Variants in GRID2 observed in about 807,000 individuals in gnomAD.
GRID2 encodes the protein glutamate receptor ionotropic, delta-2.
In GRID2, 33 loss-of-function variants were observed where a neutral mutation model predicts 114.8. That is an observed-to-expected ratio of 0.29 (90% CI 0.22 to 0.38). The LOEUF is 0.38. Ranked by LOEUF, GRID2 falls within the 10% of genes least tolerant of loss-of-function variation. GRID2 has a pLI of 1.00. For synonymous variants in GRID2, 505 were observed against 449.9 expected, an observed-to-expected ratio of 1.12 and a Z score of -1.55; for missense variants, 1,184 against 1,257.7, an observed-to-expected ratio of 0.94 and a Z score of 0.89.
intron 8 of GRID2, among the ~76,000 whole-genome samples, chr4:93,319,168 G>C (rs1231770548): frequency 6.6e-6 from 1 of 151,994 alleles, no homozygotes; most frequent in Non-Finnish European, 1.5e-5. Flanking sequence ...TTCAGGAAGG[G>C]GAAAATGAAT....
chr4:93,235,200 G>A (rs1047214749), intron 7 of GRID2, among the ~76,000 whole-genome samples: 2 of 151,770 alleles, frequency 1.3e-5, no homozygotes, highest in African/African-American at 4.8e-5. Context: ...ATGTCCACTG[G>A]TATTTCTATA....
intron 2 of GRID2, among the ~76,000 whole-genome samples, chr4:93,048,684 G>A (rs910337876): frequency 1.3e-5 from 2 of 152,002 alleles, no homozygotes; most frequent in Admixed American, 6.6e-5. Context: ...GGATAAAGGA[G>A]ATACAAATTA....
At chr4:93,490,288 C>A (rs1229507664) in intron 11 of GRID2, among the ~76,000 whole-genome samples, 2 of 151,730 alleles carry the variant, frequency 1.3e-5, no homozygotes, top group Non-Finnish European at 1.5e-5. Context: ...TAAATATAGG[C>A]ATAGCAATAT....
intron 13 of GRID2, among the ~76,000 whole-genome samples, chr4:93,596,539 C>A (rs1332303624): frequency 6.6e-6 from 1 of 151,806 alleles, no homozygotes; most frequent in East Asian, 1.9e-4. Context: ...GATCGCGTCA[C>A]TGCACTCCAG....
chr4:92,971,965 T>A (rs555088224), intron 2 of GRID2, among the ~76,000 whole-genome samples: 5 of 152,294 alleles, frequency 3.3e-5, no homozygotes, highest in African/African-American at 1.2e-4. Flanking sequence ...TGACTCCACA[T>A]CTTGGCTATT....
Position 93,711,709 on chromosome 4 carries a change from T to C in GRID2, c.2361-57501T>C, listed in dbSNP as rs939827420. On this transcript the variant is annotated intron_variant, in intron 14 of 15. Transcript: ENST00000282020. Reference sequence around the variant, plus strand: ...TTCCAGTGCAAAGTCCCACAATCAGTGCTGTTTCCATCCTGCAAGCACACA... The same window carrying C: ...TTCCAGTGCAAAGTCCCACAATCAGCGCTGTTTCCATCCTGCAAGCACACA... Among the ~76,000 whole-genome samples, 7 of 152,152 alleles carry C rather than the reference T, an allele frequency of 4.6e-5. No individual in the cohort carries two copies. In the East Asian group the frequency reaches 7.7e-4, roughly 17 times the overall value.
At chr4:93,136,648 T>G (rs934556165) in intron 4 of GRID2, among the ~76,000 whole-genome samples, 4 of 152,154 alleles carry the variant, frequency 2.6e-5, no homozygotes, top group Non-Finnish European at 4.4e-5. Context: ...ATATATCCAT[T>G]ATATATGTAG....
chr4:93,790,447 T>A (rs1734673159), intron 1 of GRID2, among the ~76,000 whole-genome samples: 1 of 152,098 alleles, frequency 6.6e-6, no homozygotes, highest in Non-Finnish European at 1.5e-5. Flanking sequence ...CACTTCCAAG[T>A]CATTTATTTT....
intron 3 of GRID2, among the ~76,000 whole-genome samples, chr4:93,095,206 A>G (rs1270118918): frequency 6.6e-6 from 1 of 151,902 alleles, no homozygotes; most frequent in Non-Finnish European, 1.5e-5. Flanking sequence ...TACATGTATC[A>G]TGGTGGTTTG....
At chr4:93,114,951 A>T (rs1172796151) in intron 4 of GRID2, among the ~76,000 whole-genome samples, 3 of 152,152 alleles carry the variant, frequency 2.0e-5, no homozygotes, top group Admixed American at 2.0e-4. Context: ...CCGTAGGAGA[A>T]CTGACTCATG....
intron 1 of GRID2, among the ~76,000 whole-genome samples, chr4:92,351,568 A>G (rs1455562678): frequency 6.6e-6 from 1 of 151,760 alleles, no homozygotes; most frequent in African/African-American, 2.4e-5. Context: ...TCTTAACTAT[A>G]GACACCCTAC....
chr4:93,722,869 A>G (rs1729506413), intron 14 of GRID2, among the ~76,000 whole-genome samples: 1 of 152,226 alleles, frequency 6.6e-6, no homozygotes, highest in Admixed American at 6.5e-5. Flanking sequence ...CCTACTAAAA[A>G]GTTTTCAATG....
intron 2 of GRID2, among the ~76,000 whole-genome samples, chr4:93,003,136 G>C (rs1029685889): frequency 2.6e-5 from 4 of 151,866 alleles, no homozygotes; most frequent in African/African-American, 9.7e-5. Context: ...ATAGGTCCAA[G>C]ATGTTAGCAT....
chr4:93,548,506 G>T (rs534552718), intron 13 of GRID2, among the ~76,000 whole-genome samples: 1 of 152,160 alleles, frequency 6.6e-6, no homozygotes, highest in African/African-American at 2.4e-5. Flanking sequence ...CAGTTCCTTT[G>T]TGCAAAGGGC....
chr4:93,614,172 G>T (rs1360966728), intron 13 of GRID2, among the ~76,000 whole-genome samples: 3 of 152,274 alleles, frequency 2.0e-5, no homozygotes, highest in African/African-American at 7.2e-5. Flanking sequence ...GCTTCAGCTC[G>T]CGCACGGTGC....
At chr4:93,363,377 C>T (rs1021146648) in intron 8 of GRID2, among the ~76,000 whole-genome samples, 6 of 152,078 alleles carry the variant, frequency 3.9e-5, no homozygotes, top group African/African-American at 9.7e-5. Flanking sequence ...TCCCAGCCCT[C>T]GATGTGGTTA....
chr4:92,588,042 T>A (rs1201973283), intron 1 of GRID2, among the ~76,000 whole-genome samples: 1 of 152,144 alleles, frequency 6.6e-6, no homozygotes, highest in African/African-American at 2.4e-5. Context: ...GCTTCAATTG[T>A]AAAAAATTTG....
intron 1 of GRID2, among the ~76,000 whole-genome samples, chr4:92,368,884 A>G (rs912659601): frequency 1.7e-4 from 25 of 151,330 alleles, no homozygotes; most frequent in African/African-American, 6.1e-4. Context: ...ACTGACACTT[A>G]TGTAGCTACA....
intron 2 of GRID2, among the ~76,000 whole-genome samples, chr4:92,789,796 C>T (rs867681931): frequency 3.3e-5 from 5 of 151,882 alleles, no homozygotes; most frequent in Non-Finnish European, 7.4e-5. Context: ...TTATCACACA[C>T]GTCCACTGAT....
Sources: gnomAD v4.1 joint callset for allele counts (sites outside exome capture counted in the v4.1 genomes callset) on GRCh38, gnomAD v4.1.1 for gene constraint, MANE v1.5 for transcripts, NCBI Gene and HGNC (gene_info 2026-07-23, HGNC 2026-07-21) for gene names.